GMDS: variants seen among roughly 807,000 people sequenced by gnomAD.
GMDS encodes the protein GDP-mannose 4,6 dehydratase.
In GMDS, 20 loss-of-function variants were observed where a neutral mutation model predicts 49.9. The observed-to-expected ratio is 0.40, with a 90% CI of 0.28 to 0.58. The LOEUF is 0.58. GMDS is among the 20% of genes least tolerant of loss of function. GMDS has a pLI of 0.42. For synonymous variants in GMDS, 177 were observed against 178.6 expected (o/e 0.99, Z 0.07); for missense variants, 362 against 481.4 (o/e 0.75, Z 2.32).
At chr6:1,941,341 T>C (rs1350141975) in intron 6 of GMDS, among the ~76,000 whole-genome samples, 2 of 150,254 alleles carry the variant, frequency 1.3e-5, no homozygotes, top group Non-Finnish European at 3.0e-5. Context: ...ACATAAATGG[T>C]CAGAGAACCA....
chr6:1,835,731 G>C (rs1561836291), intron 7 of GMDS, among the ~76,000 whole-genome samples: 1 of 152,064 alleles, frequency 6.6e-6, no homozygotes, highest in Admixed American at 6.5e-5. Context: ...AGTGCATTTG[G>C]AGTAAAACAA....
intron 9 of GMDS, among the ~76,000 whole-genome samples, chr6:1,702,101 G>A (rs1765562786): frequency 6.6e-6 from 1 of 152,272 alleles, no homozygotes; most frequent in South Asian, 2.1e-4. Context: ...AAGTTTGGAA[G>A]AAAGGCGCCA....
chr6:2,111,589 G>T (rs1306299112), intron 4 of GMDS, among the ~76,000 whole-genome samples: 3 of 152,096 alleles, frequency 2.0e-5, no homozygotes, highest in Non-Finnish European at 4.4e-5. Flanking sequence ...AAGTTAACTG[G>T]AAGTGAGAGC....
At chr6:2,054,663 T>G (rs1770676802) in intron 4 of GMDS, among the ~76,000 whole-genome samples, 1 of 152,004 alleles carries the variant, frequency 6.6e-6, no homozygotes, top group Admixed American at 6.6e-5. Context: ...TAAACCAGAC[T>G]AAGACTAAAA....
rs372670954 is a variant in GMDS at position 1,913,329 on chromosome 6, C to T, written c.771+16774G>A. ...CCGGGAGGCGGAGCTTGCAGTGAGC[C>T]GAGATCCTGCCACTGCACTCCAGCC... On this transcript the variant is annotated intron_variant, in intron 7 of 10. Coordinates refer to ENST00000380815, the MANE Select transcript of GMDS (RefSeq NM_001500.4). 6.9e-3 allele frequency among the ~76,000 whole-genome samples: 1,017 copies of T among 148,166 alleles called. 17 individuals carry two copies. The highest frequency in any genetic ancestry group is 0.023 in the African/African-American group (926 of 39,794).
chr6:1,851,754 G>A (rs1581256153), intron 7 of GMDS, among the ~76,000 whole-genome samples: 1 of 152,174 alleles, frequency 6.6e-6, no homozygotes, highest in African/African-American at 2.4e-5. Context: ...AAAAGCTGGA[G>A]TTCAGAATTG....
intron 1 of GMDS, among the ~76,000 whole-genome samples, chr6:2,130,464 T>C (rs1352033349): frequency 1.3e-5 from 2 of 152,212 alleles, no homozygotes; most frequent in Non-Finnish European, 2.9e-5. Context: ...ACTCTTTACA[T>C]AGCCACCCCT....
At chr6:2,079,092 C>T (rs966134709) in intron 4 of GMDS, among the ~76,000 whole-genome samples, 13 of 129,186 alleles carry the variant, frequency 1.0e-4, no homozygotes, top group African/African-American at 3.1e-4. Context: ...AGTATAGCTA[C>T]TCCTACTCAC....
chr6:2,171,470 T>C (rs1353487268), intron 1 of GMDS, among the ~76,000 whole-genome samples: 3 of 152,316 alleles, frequency 2.0e-5, no homozygotes, highest in South Asian at 4.1e-4. Flanking sequence ...AAATGGCAGA[T>C]GTGTTGATGA....
chr6:1,638,492 T>A (rs893533136), intron 9 of GMDS, among the ~76,000 whole-genome samples: 1 of 151,848 alleles, frequency 6.6e-6, no homozygotes, highest in African/African-American at 2.4e-5. Flanking sequence ...TGTGTGCCCA[T>A]GGATTCATTC....
At chr6:1,824,332 T>C (rs887877739) in intron 7 of GMDS, among the ~76,000 whole-genome samples, 1 of 152,218 alleles carries the variant, frequency 6.6e-6, no homozygotes, top group Non-Finnish European at 1.5e-5. Flanking sequence ...GCACAACCAG[T>C]GAATTCAGGT....
intron 7 of GMDS, among the ~76,000 whole-genome samples, chr6:1,801,105 G>A (rs1358031858): frequency 1.3e-5 from 2 of 152,176 alleles, no homozygotes; most frequent in Non-Finnish European, 2.9e-5. Context: ...CGGACCATGA[G>A]GACCTGTGAC....
chr6:2,073,896 T>C (rs1002185742), intron 4 of GMDS, among the ~76,000 whole-genome samples: 1 of 152,226 alleles, frequency 6.6e-6, no homozygotes, highest in Non-Finnish European at 1.5e-5. Context: ...CCACATTTTC[T>C]TTATACATTT....
chr6:2,195,588 GGAAATAATTAA>G (rs1779242019), intron 1 of GMDS, among the ~76,000 whole-genome samples: 1 of 152,012 alleles, frequency 6.6e-6, no homozygotes, highest in East Asian at 1.9e-4. Flanking sequence ...AGCCTTCTTT[GGAAATAATTAA>G]GTCCATAAAA....
intron 7 of GMDS, among the ~76,000 whole-genome samples, chr6:1,888,134 ATTTTTTT>A (rs56167840): frequency 7.1e-6 from 1 of 140,478 alleles, no homozygotes; most frequent in Middle Eastern, 3.4e-3. Context: ...TATTATTATT[ATTTTTTT>A]TTTTTTTTTG....
At chr6:2,136,053 T>C (rs1376125689) in intron 1 of GMDS, among the ~76,000 whole-genome samples, 1 of 152,178 alleles carries the variant, frequency 6.6e-6, no homozygotes, top group African/African-American at 2.4e-5. Flanking sequence ...CATGTTACTG[T>C]ACTGAATACT....
At chr6:1,759,834 G>A (rs1300413867) in intron 7 of GMDS, among the ~76,000 whole-genome samples, 1 of 152,204 alleles carries the variant, frequency 6.6e-6, no homozygotes, top group Admixed American at 6.5e-5. Flanking sequence ...TGCTCTTGAT[G>A]AAGGAGTGAG....
intron 9 of GMDS, among the ~76,000 whole-genome samples, chr6:1,661,157 C>T (rs138807908): frequency 6.8e-4 from 103 of 152,262 alleles, no homozygotes; most frequent in African/African-American, 2.4e-3. Flanking sequence ...CTACGGAGCG[C>T]TGTAACTGGC....
At chr6:1,786,059 G>A (rs1769305543) in intron 7 of GMDS, among the ~76,000 whole-genome samples, 1 of 152,240 alleles carries the variant, frequency 6.6e-6, no homozygotes, top group Non-Finnish European at 1.5e-5. Context: ...AAACCAGCGT[G>A]CTGCTGCTTC....
Sources: allele counts gnomAD v4.1 joint callset (sites outside exome capture counted in the v4.1 genomes callset), GRCh38; gene constraint gnomAD v4.1.1; transcripts MANE v1.5; gene names NCBI Gene and HGNC (gene_info 2026-07-23, HGNC 2026-07-21).